Variants in HPSE2 observed in about 807,000 individuals in gnomAD.
The protein encoded by HPSE2 is heparanase 2 (inactive), also known as inactive heparanase-2.
HPSE2 carries 38 observed loss-of-function variants against 60.5 expected under a neutral mutation model. That is an observed-to-expected ratio of 0.63 (90% CI 0.48 to 0.82). The LOEUF (loss-of-function observed/expected upper bound fraction) is 0.82. Ranked by LOEUF, HPSE2 falls within the 40% of genes least tolerant of loss-of-function variation. HPSE2 has a pLI of 0.00. For missense variants in HPSE2, 713 were observed against 740.4 expected (o/e 0.96, Z 0.43); for synonymous variants, 295 against 293.2 (o/e 1.01, Z -0.06).
At chr10:98,773,294 A>T (rs1282528818) in intron 3 of HPSE2, among the ~76,000 whole-genome samples, 1 of 152,196 alleles carries the variant, frequency 6.6e-6, no homozygotes, top group Non-Finnish European at 1.5e-5. Context: ...TTAATACACC[A>T]TCAATAGAGA....
chr10:98,973,179 TA>T (rs1053690437), intron 3 of HPSE2, among the ~76,000 whole-genome samples: 23 of 152,294 alleles, frequency 1.5e-4, no homozygotes, highest in African/African-American at 5.1e-4. Flanking sequence ...ATTATAAATT[TA>T]AGGCTTATTA....
At chr10:98,814,490 G>T (rs1167573527) in intron 3 of HPSE2, among the ~76,000 whole-genome samples, 4 of 152,096 alleles carry the variant, frequency 2.6e-5, no homozygotes, top group African/African-American at 9.7e-5. Flanking sequence ...TGACTTTCAG[G>T]ACCGTTTAAA....
intron 2 of HPSE2, among the ~76,000 whole-genome samples, chr10:99,149,738 T>C (rs1342305528): frequency 6.6e-6 from 1 of 152,230 alleles, no homozygotes; most frequent in Non-Finnish European, 1.5e-5. Context: ...TGTGTATTTT[T>C]CTTATGTCTT....
At chr10:98,580,836 A>ATATATATATATGTGTGTGTGTG in intron 9 of HPSE2, among the ~76,000 whole-genome samples, 1 of 119,514 alleles carries the variant, frequency 8.4e-6, no homozygotes, top group African/African-American at 3.6e-5. Flanking sequence ...ATATATATAT[A>ATATATATATATGTGTGTGTGTG]TGTGTGTGTG....
At chr10:99,153,764 C>T (rs1166998979) in intron 2 of HPSE2, among the ~76,000 whole-genome samples, 2 of 152,192 alleles carry the variant, frequency 1.3e-5, no homozygotes, top group African/African-American at 2.4e-5. Flanking sequence ...ATGACTTTGA[C>T]GAGCTGAGAG....
chr10:98,511,835 G>A (rs1424093171), intron 9 of HPSE2, among the ~76,000 whole-genome samples: 1 of 152,158 alleles, frequency 6.6e-6, no homozygotes, highest in Admixed American at 6.5e-5. Context: ...TCTTGCTGCA[G>A]GTGCATGAGC....
At chr10:98,511,441 C>T (rs1053916652) in intron 9 of HPSE2, among the ~76,000 whole-genome samples, 9 of 152,014 alleles carry the variant, frequency 5.9e-5, no homozygotes, top group East Asian at 1.9e-4. Flanking sequence ...TGAGGCACCG[C>T]GCCCAGCCAT....
the HPSE2 span, among the ~76,000 whole-genome samples, chr10:99,255,220 T>A: frequency 6.6e-6 from 1 of 152,202 alleles, no homozygotes; most frequent in African/African-American, 2.4e-5. Context: ...AAGGGTTTAA[T>A]GTGTTTCTTA....
intron 3 of HPSE2, among the ~76,000 whole-genome samples, chr10:99,005,395 G>A (rs898004830): frequency 1.3e-5 from 2 of 151,786 alleles, no homozygotes; most frequent in African/African-American, 4.8e-5. Context: ...CTGTCTTCAA[G>A]TTCACAGATT....
chr10:98,731,772 C>T (rs1245016963), intron 4 of HPSE2, among the ~76,000 whole-genome samples: 1 of 152,094 alleles, frequency 6.6e-6, no homozygotes. Flanking sequence ...GAGATTCTAG[C>T]CAGTGCAGTC....
intron 3 of HPSE2, among the ~76,000 whole-genome samples, chr10:99,072,696 C>T (rs1044816314): frequency 5.9e-5 from 9 of 152,024 alleles, no homozygotes; most frequent in East Asian, 3.9e-4. Context: ...GAGGCCAAGG[C>T]GGGTGGATAA....
the HPSE2 span, among the ~76,000 whole-genome samples, chr10:99,275,832 A>G: frequency 6.6e-6 from 1 of 152,162 alleles, no homozygotes; most frequent in Admixed American, 6.5e-5. Flanking sequence ...AGGCCAGAAC[A>G]TCTAGGGCAT....
chr10:98,791,169 TATC>T (rs1950647458), intron 3 of HPSE2, among the ~76,000 whole-genome samples: 1 of 152,230 alleles, frequency 6.6e-6, no homozygotes, highest in Admixed American at 6.5e-5. Flanking sequence ...TCCCACAACT[TATC>T]ATTGTTTTTC....
At chr10:98,843,014 T>C (rs1951952673) in intron 3 of HPSE2, among the ~76,000 whole-genome samples, 1 of 152,184 alleles carries the variant, frequency 6.6e-6, no homozygotes, top group East Asian at 1.9e-4. Flanking sequence ...ATTCTTTTCG[T>C]GGCTTGATAG....
At chr10:99,116,010 T>C (rs1442960066) in intron 3 of HPSE2, among the ~76,000 whole-genome samples, 2 of 152,218 alleles carry the variant, frequency 1.3e-5, no homozygotes, top group Non-Finnish European at 2.9e-5. Flanking sequence ...AACTTCATTT[T>C]AGGGTAATCA....
At chr10:98,855,140 G>A (rs543347047) in intron 3 of HPSE2, among the ~76,000 whole-genome samples, 1 of 152,340 alleles carries the variant, frequency 6.6e-6, no homozygotes, top group East Asian at 1.9e-4. Flanking sequence ...GGGACCAGGT[G>A]ATGCCAAGCA....
At chr10:98,864,335 C>A (rs1055478103) in intron 3 of HPSE2, among the ~76,000 whole-genome samples, 1 of 152,032 alleles carries the variant, frequency 6.6e-6, no homozygotes, top group East Asian at 1.9e-4. Flanking sequence ...TACTATATAT[C>A]TATTTTATAC....
At chr10:98,588,469 G>A (rs1246407862) in intron 9 of HPSE2, among the ~76,000 whole-genome samples, 3 of 152,162 alleles carry the variant, frequency 2.0e-5, no homozygotes, top group Non-Finnish European at 2.9e-5. Flanking sequence ...GATTCTGCAA[G>A]ACAAGACCGA....
intron 3 of HPSE2, among the ~76,000 whole-genome samples, chr10:98,870,006 T>C (rs1952690138): frequency 6.6e-6 from 1 of 152,174 alleles, no homozygotes; most frequent in Admixed American, 6.6e-5. Context: ...AATGTTGTAG[T>C]GTAAGTTTTA....
Sources: allele counts gnomAD v4.1 joint callset (sites outside exome capture counted in the v4.1 genomes callset), GRCh38; gene constraint gnomAD v4.1.1; transcripts MANE v1.5; gene names NCBI Gene and HGNC (gene_info 2026-07-23, HGNC 2026-07-21).